Variants in FHOD3 observed in about 807,000 individuals in gnomAD.
FHOD3 encodes the protein FH1/FH2 domain-containing protein 3.
A neutral mutation model predicts 173.0 loss-of-function variants in FHOD3; 90 were observed. That is an observed-to-expected ratio of 0.52 (90% CI 0.44 to 0.62). The LOEUF is 0.62. Among genes scored for constraint, FHOD3 ranks in the 20% least tolerant of loss-of-function variants. FHOD3 has a pLI of 0.00. For missense variants in FHOD3, 1,945 were observed against 2,034.7 expected, an observed-to-expected ratio of 0.96 and a Z score of 0.85; for synonymous variants, 828 against 823.0, an observed-to-expected ratio of 1.01 and a Z score of -0.10.
chr18:36,686,153 G>A (rs1395597447), intron 15 of FHOD3, among the ~76,000 whole-genome samples: 1 of 151,962 alleles, frequency 6.6e-6, no homozygotes, highest in Non-Finnish European at 1.5e-5. Flanking sequence ...ATATGCATAC[G>A]TATGTTCATT....
intron 28 of FHOD3, among the ~76,000 whole-genome samples, chr18:36,769,863 C>T (rs1219407733): frequency 1.3e-5 from 2 of 152,106 alleles, no homozygotes; most frequent in Non-Finnish European, 1.5e-5. Flanking sequence ...TTCATCGCTG[C>T]CCACAAGCAT....
intron 1 of FHOD3, among the ~76,000 whole-genome samples, chr18:36,304,642 G>A (rs750568255): frequency 1.3e-5 from 2 of 152,016 alleles, no homozygotes; most frequent in Non-Finnish European, 2.9e-5. Flanking sequence ...CAAGTGTAGG[G>A]CATCTGTCTT....
chr18:36,424,374 T>G (rs987933176), intron 3 of FHOD3, among the ~76,000 whole-genome samples: 3 of 152,220 alleles, frequency 2.0e-5, no homozygotes, highest in African/African-American at 4.8e-5. Flanking sequence ...AGATTTTTTT[T>G]TTAGCAACGT....
intron 9 of FHOD3, among the ~76,000 whole-genome samples, chr18:36,624,433 A>G (rs1390893242): frequency 6.6e-6 from 1 of 152,230 alleles, no homozygotes; most frequent in Non-Finnish European, 1.5e-5. Flanking sequence ...GTCCAGTTTT[A>G]GAGAATGTAG....
At chr18:36,639,427 A>C (rs1425883204) in intron 10 of FHOD3, among the ~76,000 whole-genome samples, 1 of 152,024 alleles carries the variant, frequency 6.6e-6, no homozygotes, top group Non-Finnish European at 1.5e-5. Context: ...AATCCCAGCA[A>C]TTTGGGAGGC....
intron 5 of FHOD3, among the ~76,000 whole-genome samples, chr18:36,558,473 C>G (rs2057973040): frequency 6.6e-6 from 1 of 152,128 alleles, no homozygotes; most frequent in Non-Finnish European, 1.5e-5. Context: ...AAGCGGAAGT[C>G]TTGCAAACAT....
At chr18:36,510,881 T>TC (rs1337479655) in intron 4 of FHOD3, among the ~76,000 whole-genome samples, 1 of 151,978 alleles carries the variant, frequency 6.6e-6, no homozygotes, top group South Asian at 2.1e-4. Context: ...CACCCACCCT[T>TC]CCCCCCAGGT....
intron 5 of FHOD3, among the ~76,000 whole-genome samples, chr18:36,516,366 G>A (rs905838612): frequency 6.6e-6 from 1 of 152,232 alleles, no homozygotes; most frequent in Non-Finnish European, 1.5e-5. Context: ...CGGCCATGAG[G>A]TGGGGGGAGA....
intron 7 of FHOD3, among the ~76,000 whole-genome samples, chr18:36,596,153 G>GT (rs1170286821): frequency 2.6e-5 from 4 of 151,198 alleles, no homozygotes; most frequent in Admixed American, 2.0e-4. Context: ...TTTTGTTTTT[G>GT]TTTTTTGTCT....
intron 17 of FHOD3, among the ~76,000 whole-genome samples, chr18:36,708,449 C>A (rs1327110513): frequency 6.6e-6 from 1 of 152,216 alleles, no homozygotes; most frequent in East Asian, 1.9e-4. Flanking sequence ...TAACAAGTTT[C>A]CACAGACATA....
At chr18:36,686,189 C>T (rs2038602088) in intron 15 of FHOD3, among the ~76,000 whole-genome samples, 1 of 152,086 alleles carries the variant, frequency 6.6e-6, no homozygotes, top group African/African-American at 2.4e-5. Flanking sequence ...ATAGTAAAGA[C>T]ATGGAATCAA....
At chr18:36,409,685 T>C (rs2049252613) in intron 3 of FHOD3, among the ~76,000 whole-genome samples, 1 of 152,016 alleles carries the variant, frequency 6.6e-6, no homozygotes, top group African/African-American at 2.4e-5. Flanking sequence ...TTGCAGTGAG[T>C]CTTTAGGGCT....
In FHOD3 at chr18:36,763,008, TATATGCGTATTATACACTTTATATATA is replaced by T. The variant is rs1400181925; in HGVS notation, c.4624+2244_4624+2270del. ...TTATATATGCGTATTATATACGTTA[TATATGCGTATTATACACTTTATATATA>T]ATATGCGTATTATACACGTTATATA... is the stretch of plus-strand genomic sequence containing the variant. On this transcript the variant is annotated intron_variant, in intron 27 of 28. Transcript: ENST00000590592. 1.1e-3 allele frequency among the ~76,000 whole-genome samples: 152 copies of T among 142,524 alleles called. 1 individual carries two copies. The highest frequency in any genetic ancestry group is 8.0e-3 in the South Asian group (37 of 4,602). The allele number at this position is 142,524 out of a possible 152,430, so 93.5% of individuals were successfully genotyped here.
rs534728101 is a variant in FHOD3 at position 36,749,965 on chromosome 18, T to C, written c.4232+2830T>C. Among the ~76,000 whole-genome samples the C allele has an allele frequency of 1.5e-3, 229 of 152,248 alleles. 1 individual carries two copies. Among genetic ancestry groups the C allele is most frequent in the African/African-American group, 5.3e-3 (219 of 41,548 alleles). On this transcript the variant is annotated intron_variant, in intron 24 of 28. Coordinates refer to ENST00000590592, the MANE Select transcript of FHOD3 (RefSeq NM_001281740.3). Reference sequence around the variant, plus strand: ...TGAGCCTTTTTTTTTTCCATATTCTTGTTGGTCACATGTATGTCTTCTTTT... The same window carrying C: ...TGAGCCTTTTTTTTTTCCATATTCTCGTTGGTCACATGTATGTCTTCTTTT...
intron 1 of FHOD3, among the ~76,000 whole-genome samples, chr18:36,337,527 G>A (rs1163728940): frequency 6.6e-6 from 1 of 152,160 alleles, no homozygotes; most frequent in Non-Finnish European, 1.5e-5. Context: ...GCTGTCCCCT[G>A]CATGTGGCTC....
chr18:36,491,953 G>T (rs888993691), intron 3 of FHOD3, among the ~76,000 whole-genome samples: 1 of 152,144 alleles, frequency 6.6e-6, no homozygotes, highest in African/African-American at 2.4e-5. Context: ...CACATCTTCT[G>T]TGAAAGTATG....
At chr18:36,381,529 T>C (rs1317329369) in intron 3 of FHOD3, among the ~76,000 whole-genome samples, 1 of 152,164 alleles carries the variant, frequency 6.6e-6, no homozygotes, top group Non-Finnish European at 1.5e-5. Flanking sequence ...AGGATGAGGG[T>C]GCCAGGCAGA....
intron 3 of FHOD3, among the ~76,000 whole-genome samples, chr18:36,405,080 G>C (rs944002580): frequency 1.3e-5 from 2 of 152,230 alleles, no homozygotes; most frequent in African/African-American, 4.8e-5. Context: ...GGTATCCATA[G>C]CTGGGGCCTT....
At chr18:36,380,167 A>G (rs2047665236) in intron 3 of FHOD3, among the ~76,000 whole-genome samples, 1 of 152,232 alleles carries the variant, frequency 6.6e-6, no homozygotes, top group South Asian at 2.1e-4. Context: ...AATTGTTACA[A>G]GTGCTGTCAT....
Sources: gnomAD v4.1 joint callset for allele counts (sites outside exome capture counted in the v4.1 genomes callset) on GRCh38, gnomAD v4.1.1 for gene constraint, MANE v1.5 for transcripts, NCBI Gene and HGNC (gene_info 2026-07-23, HGNC 2026-07-21) for gene names.